The following LRATD1 variants were observed in gnomAD, a reference collection of about 807,000 sequenced individuals.
LRATD1 encodes the protein LRAT domain containing 1.
A neutral mutation model predicts 21.3 loss-of-function variants in LRATD1; 8 were observed. The observed-to-expected ratio is 0.38, with a 90% CI of 0.22 to 0.68. The LOEUF (loss-of-function observed/expected upper bound fraction) is 0.68, where lower values mean the gene tolerates loss of function less well. Among genes scored for constraint, LRATD1 ranks in the 30% least tolerant of loss-of-function variants. LRATD1 has a pLI of 0.54. For synonymous variants in LRATD1, 210 were observed against 186.2 expected (o/e 1.13, Z -1.04); for missense variants, 380 against 404.0 (o/e 0.94, Z 0.51).
At chr2:14,648,462 C>T (rs1026224630) in intron 4 of LRATD1, among the ~76,000 whole-genome samples, 2 of 152,080 alleles carry the variant, frequency 1.3e-5, no homozygotes, top group Admixed American at 6.5e-5. Flanking sequence ...CTATATATTC[C>T]AAAGAGAAGA....
In LRATD1 at chr2:14,638,047, C is replaced by T. The variant is rs1671726842; in HGVS notation, c.*3189C>T. ...ATTCTTTCTCAACTTTCAGGTAAAACAAACTATGATTTAAAAAAAGAAAAA... is the reference window on the plus strand; with the variant it reads ...ATTCTTTCTCAACTTTCAGGTAAAATAAACTATGATTTAAAAAAAGAAAAA... On this transcript the variant is annotated 3_prime_UTR_variant, in exon 2 of 2. Coordinates refer to ENST00000295092, the MANE Select transcript of LRATD1 (RefSeq NM_145175.4). The T allele has an allele frequency of 6.0e-6, 1 of 166,318 alleles. No homozygotes were observed. The highest frequency in any genetic ancestry group is 1.5e-5 in the Non-Finnish European group (1 of 67,926). 10.3% of individuals were successfully genotyped at this position (166,318 alleles called of 1,614,324 possible). A position where few individuals can be genotyped will look rare whatever the true frequency, so the allele number is the denominator to read the frequency against.
rs1671632821 is a variant in LRATD1 at position 14,634,452 on chromosome 2, A to G, written c.473A>G (p.Gln158Arg). ...VGGGQIIHLH[Q>R]GEIRQDSLYE... The stretch of plus-strand genomic sequence containing the variant: ...GGCGGGCAGATCATCCACCTGCACC[A>G]AGGCGAGATCCGCCAGGACAGCCTG... Residue 158 changes from glutamine to arginine, a missense_variant, in exon 2 of 2, where the codon CAA (glutamine) becomes CGA (arginine). Gln to Arg is a conservative substitution (Grantham distance 43). Coordinates refer to ENST00000295092, the MANE Select transcript of LRATD1 (RefSeq NM_145175.4). 1 of 1,522,610 alleles carries G rather than the reference A, an allele frequency of 6.6e-7. No homozygotes were observed. The highest frequency in any genetic ancestry group is 8.8e-7 in the Non-Finnish European group (1 of 1,137,856). The allele number at this position is 1,522,610 out of a possible 1,614,324, so 94.3% of individuals were successfully genotyped here. A position where few individuals can be genotyped will look rare whatever the true frequency, so the allele number is the denominator to read the frequency against.
Position 14,634,989 on chromosome 2 carries a change from C to A in LRATD1, c.*131C>A, listed in dbSNP as rs1464071872. On this transcript the variant is annotated 3_prime_UTR_variant, in exon 2 of 2. Transcript: ENST00000295092. ...CCACGCGCGTCCGCCGCCGGTGGCCCGGGCCCGGGCTGCACCCCCGCATCC... is the reference window on the plus strand; with the variant it reads ...CCACGCGCGTCCGCCGCCGGTGGCCAGGGCCCGGGCTGCACCCCCGCATCC... The A allele has an allele frequency of 1.6e-6, 2 of 1,255,896 alleles. No individual in the cohort carries two copies. Among genetic ancestry groups the A allele is most frequent in the Non-Finnish European group, 2.2e-6 (2 of 907,022 alleles). The allele number at this position is 1,255,896 out of a possible 1,614,324, so 77.8% of individuals were successfully genotyped here. A position where few individuals can be genotyped will look rare whatever the true frequency, so the allele number is the denominator to read the frequency against.
At position 14,633,951 on chromosome 2, in the gene LRATD1, C is replaced by T; in HGVS notation, c.-29C>T. On this transcript the variant is annotated 5_prime_UTR_variant, in exon 2 of 2. Transcript: ENST00000295092. This position sits in a 1 kb window ranked among gnomAD's most constrained non-coding sequence, Gnocchi z 7.5. ...CTCTCTGTGCCTCCGCAGATCCCCG[C>T]TCCTGGCCCTCGCCTCGCCACCTCA... 7 of 1,596,772 alleles carry T rather than the reference C, an allele frequency of 4.4e-6. No homozygotes were observed. The highest frequency in any genetic ancestry group is 6.0e-6 in the Non-Finnish European group (7 of 1,168,854).
chr2:14,649,472 C>CCTCTGCCTAGAAG, intron 5 of LRATD1: 1 of 427,180 alleles, frequency 2.3e-6, no homozygotes, highest in Admixed American at 2.5e-5. Flanking sequence ...AGAAGCAATT[C>CCTCTGCCTAGAAG]CTCTGCCTAG....
At position 14,638,594 on chromosome 2, in the gene LRATD1, T is replaced by C. The variant is rs943778367; in HGVS notation, c.*3736T>C. On this transcript the variant is annotated 3_prime_UTR_variant, in exon 2 of 2. Transcript: ENST00000295092. ...CTAAAAGTCTTCAAACATTACTTTA[T>C]TGATTACTTATGTTTTGTGGTGCGC... The C allele has an allele frequency of 2.4e-5, 4 of 167,164 alleles. No homozygotes were observed. Among genetic ancestry groups the C allele is most frequent in the Non-Finnish European group, 4.4e-5 (3 of 68,078 alleles). The allele number at this position is 167,164 out of a possible 1,614,324, so 10.4% of individuals were successfully genotyped here. A position where few individuals can be genotyped will look rare whatever the true frequency, so the allele number is the denominator to read the frequency against.
chr2:14,650,449 T>G (rs563770390), downstream of LRATD1: 1 of 152,352 alleles, frequency 6.6e-6, no homozygotes, highest in African/African-American at 2.4e-5. Context: ...TTGAAAGTAA[T>G]AGCTATTCAT....
downstream of LRATD1, among the ~76,000 whole-genome samples, chr2:14,651,036 C>T (rs181142597): frequency 8.3e-4 from 127 of 152,144 alleles, no homozygotes; most frequent in African/African-American, 2.9e-3. Flanking sequence ...TTTTTATTTA[C>T]GATCTTAATT....
In LRATD1 at chr2:14,637,193, C is replaced by T. The variant is rs1671707800; in HGVS notation, c.*2335C>T. On this transcript the variant is annotated 3_prime_UTR_variant, in exon 2 of 2. Coordinates refer to ENST00000295092, the MANE Select transcript of LRATD1 (RefSeq NM_145175.4). ...TGTGTCCTACTACTGTATCTTGGCT[C>T]CCTGCTGTATTAAACACCATCTTAA... 1 of 167,004 alleles carries T rather than the reference C, an allele frequency of 6.0e-6. No individual in the cohort carries two copies. Among genetic ancestry groups the T allele is most frequent in the Admixed American group, 6.5e-5 (1 of 15,286 alleles). 10.3% of individuals were successfully genotyped at this position (167,004 alleles called of 1,614,324 possible).
At chr2:14,643,356 T>C (rs1389883401), downstream of LRATD1, among the ~76,000 whole-genome samples, 1 of 152,228 alleles carries the variant, frequency 6.6e-6, no homozygotes, top group East Asian at 1.9e-4. Flanking sequence ...CCTTACAGCC[T>C]TTAAGGACTT....
Position 14,639,162 on chromosome 2 carries a change from C to A in LRATD1, c.*4304C>A. 6.0e-6 allele frequency: 1 copy of A among 166,414 alleles called. No individual in the cohort carries two copies. 10.3% of individuals were successfully genotyped at this position (166,414 alleles called of 1,614,324 possible). ...AAAATAGAGAGTGACTTGAGATATA[C>A]AAAAACAGGAAGAAAAGCCCTGGAG... On this transcript the variant is annotated 3_prime_UTR_variant, in exon 2 of 2. Coordinates refer to ENST00000295092, the MANE Select transcript of LRATD1 (RefSeq NM_145175.4).
intron 4 of LRATD1, chr2:14,649,204 G>C (rs1348012090): frequency 2.2e-6 from 1 of 446,160 alleles, no homozygotes; most frequent in Non-Finnish European, 4.5e-6. Context: ...GGTTGGGGGA[G>C]GGGGGATGTG....
rs1233371084 is a variant in LRATD1 at position 14,633,959 on chromosome 2, C to T, written c.-21C>T. 1 of 1,600,234 alleles carries T rather than the reference C, an allele frequency of 6.2e-7. No homozygotes were observed. ...GCCTCCGCAGATCCCCGCTCCTGGC[C>T]CTCGCCTCGCCACCTCATTGATGGG... On this transcript the variant is annotated 5_prime_UTR_variant, in exon 2 of 2. Transcript: ENST00000295092. The surrounding 1 kb of genome is among the most constrained non-coding windows in gnomAD (Gnocchi z 7.5).
rs957019790 is a variant in LRATD1, at chr2:14,633,659, C to T, written c.-36-285C>T. ...CAGCACTCTCCTCCCCACCGGGACC[C>T]CGCAAGCTCTCCAGCCAGCCTGGGT... On this transcript the variant is annotated intron_variant, in intron 1 of 1. Transcript: ENST00000295092. This position sits in a 1 kb window ranked among gnomAD's most constrained non-coding sequence, Gnocchi z 7.5. 2 of 354,298 alleles carry T rather than the reference C, an allele frequency of 5.6e-6. No homozygotes were observed. The highest frequency in any genetic ancestry group is 8.3e-5 in the Admixed American group (2 of 24,124). 21.9% of individuals were successfully genotyped at this position (354,298 alleles called of 1,614,324 possible).
intron 2 of LRATD1, among the ~76,000 whole-genome samples, chr2:14,645,677 A>G (rs754674409): frequency 5.9e-5 from 9 of 152,314 alleles, no homozygotes; most frequent in Non-Finnish European, 1.2e-4. Context: ...ACAAATATTT[A>G]TATAATATCT....
At position 14,635,664 on chromosome 2, in the gene LRATD1, C is replaced by A; in HGVS notation, c.*806C>A. 1 of 467,566 alleles carries A rather than the reference C, an allele frequency of 2.1e-6. No homozygotes were observed. The highest frequency in any genetic ancestry group is 4.4e-6 in the Non-Finnish European group (1 of 224,824). 29.0% of individuals were successfully genotyped at this position (467,566 alleles called of 1,614,324 possible). ...AATTCGGTGAGGACAGCCGGCCCCG[C>A]CCCCGACAAGGAGCTCGCTCGTTCA... On this transcript the variant is annotated 3_prime_UTR_variant, in exon 2 of 2. Transcript: ENST00000295092.
At chr2:14,641,104 C>G (rs950801756), downstream of LRATD1, among the ~76,000 whole-genome samples, 1 of 152,138 alleles carries the variant, frequency 6.6e-6, no homozygotes, top group African/African-American at 2.4e-5. Context: ...TATTATCTGT[C>G]AACCCTTCTC....
chr2:14,635,512 G>A lies in LRATD1; in HGVS notation c.*654G>A, dbSNP rs1269357790. 6.4e-6 allele frequency: 3 copies of A among 471,114 alleles called. No individual in the cohort carries two copies. In the Admixed American group the frequency reaches 7.0e-5, roughly 11 times the overall value. 29.2% of individuals were successfully genotyped at this position (471,114 alleles called of 1,614,324 possible). On this transcript the variant is annotated 3_prime_UTR_variant, in exon 2 of 2. Coordinates refer to ENST00000295092, the MANE Select transcript of LRATD1 (RefSeq NM_145175.4). ...GTGTTCCAGGCTGCGGGCTAAGCCA[G>A]ACAGTGTTTGCCTCCGGTTCTTTCC...
At chr2:14,647,190 G>GCT (rs1671910990) in intron 4 of LRATD1, among the ~76,000 whole-genome samples, 1 of 152,164 alleles carries the variant, frequency 6.6e-6, no homozygotes, top group Non-Finnish European at 1.5e-5. Flanking sequence ...GCAGACATTA[G>GCT]CTGAATTAAG....
Sources: allele counts gnomAD v4.1 joint callset (sites outside exome capture counted in the v4.1 genomes callset), GRCh38; gene constraint gnomAD v4.1.1; non-coding constraint Gnocchi (gnomAD v3.1); transcripts MANE v1.5; gene names NCBI Gene and HGNC (gene_info 2026-07-23, HGNC 2026-07-21).